Variants in FYB1 observed in about 807,000 individuals in gnomAD.
The protein encoded by FYB1 is FYN binding protein 1.
FYB1 carries 41 observed loss-of-function variants against 94.1 expected under a neutral mutation model. The observed-to-expected ratio is 0.44, with a 90% confidence interval of 0.34 to 0.57. The LOEUF is 0.57. Ranked by LOEUF, FYB1 falls within the 20% of genes least tolerant of loss-of-function variation. The pLI, the probability that FYB1 is intolerant of heterozygous loss-of-function variation, is 0.02. For synonymous variants in FYB1, 367 were observed against 353.2 expected (o/e 1.04, Z -0.44); for missense variants, 1,050 against 976.8 (o/e 1.07, Z -1.00).
chr5:39,165,214 C>T (rs1443587146), intron 2 of FYB1, among the ~76,000 whole-genome samples: 1 of 152,100 alleles, frequency 6.6e-6, no homozygotes, highest in African/African-American at 2.4e-5. Flanking sequence ...AAAGCTGGAG[C>T]CATCACATTA....
At chr5:39,150,178 C>G (rs182876989) in intron 3 of FYB1, among the ~76,000 whole-genome samples, 3 of 152,212 alleles carry the variant, frequency 2.0e-5, no homozygotes, top group Non-Finnish European at 4.4e-5. Flanking sequence ...CAAACTGAAA[C>G]TGAGTTGTTA....
At chr5:39,183,232 T>C (rs62358729) in intron 2 of FYB1, among the ~76,000 whole-genome samples, 40,877 of 151,942 alleles carry the variant, frequency 0.27, 6,156 homozygotes, top group African/African-American at 0.42. Context: ...GTGATCCACC[T>C]GTCTCGGCCT....
upstream of FYB1, among the ~76,000 whole-genome samples, chr5:39,222,748 C>A (rs575004074): frequency 6.6e-6 from 1 of 152,056 alleles, no homozygotes; most frequent in Non-Finnish European, 1.5e-5. Context: ...TTATTTTGAG[C>A]TTTTCTTATT....
At chr5:39,183,366 C>G (rs897773319) in intron 2 of FYB1, among the ~76,000 whole-genome samples, 17 of 152,062 alleles carry the variant, frequency 1.1e-4, no homozygotes, top group Non-Finnish European at 2.5e-4. Flanking sequence ...CAACTAAAAC[C>G]AAGCGTAATA....
At chr5:39,176,232 C>A (rs1745723045) in intron 2 of FYB1, among the ~76,000 whole-genome samples, 2 of 149,610 alleles carry the variant, frequency 1.3e-5, no homozygotes, top group African/African-American at 5.0e-5. Context: ...CTTACTGCAA[C>A]CCCCACCTCC....
At chr5:39,178,401 T>G (rs1268832536) in intron 2 of FYB1, among the ~76,000 whole-genome samples, 1 of 152,180 alleles carries the variant, frequency 6.6e-6, no homozygotes, top group East Asian at 1.9e-4. Context: ...TACAAGCACT[T>G]TAGTGGGATG....
intron 2 of FYB1, among the ~76,000 whole-genome samples, chr5:39,158,025 G>T (rs921738414): frequency 1.3e-5 from 2 of 151,792 alleles, no homozygotes; most frequent in African/African-American, 4.9e-5. Flanking sequence ...GGGAGCTTGA[G>T]TGACTAATGA....
intron 1 of FYB1, among the ~76,000 whole-genome samples, chr5:39,232,837 G>A (rs1205637536): frequency 2.6e-5 from 4 of 151,358 alleles, no homozygotes; most frequent in African/African-American, 4.9e-5. Flanking sequence ...TTGTTCTTGC[G>A]ATAGTTTACT....
At position 39,153,503 on chromosome 5, in the gene FYB1, G is replaced by A; in HGVS notation, c.1237C>T (p.Gln413Ter). Residue 413 changes from glutamine to a stop codon, truncating the protein, a stop_gained, in exon 3 of 19, where the codon CAA becomes TAA. Coordinates refer to ENST00000512982, the MANE Select transcript of FYB1 (RefSeq NM_001465.6). LOFTEE classifies it high-confidence loss of function. The part of the protein sequence containing the change: ...QPPLPASHPS[Q>*]PPVPSLPPRN... ...GGAGGTAGGCTTGGGACTGGTGGTTGTGATGGGTGAGATGCTGGCAATGGT... is the reference window on the plus strand; with the variant it reads ...GGAGGTAGGCTTGGGACTGGTGGTTATGATGGGTGAGATGCTGGCAATGGT... 1 of 1,614,014 alleles carries A rather than the reference G, an allele frequency of 6.2e-7. No individual in the cohort carries two copies. Among genetic ancestry groups the A allele is most frequent in the Non-Finnish European group, 8.5e-7 (1 of 1,179,888 alleles).
Position 39,126,080 on chromosome 5 carries a change from T to A in FYB1, c.1963A>T (p.Met655Leu). Residue 655 changes from methionine (M) to leucine (L), a missense_variant, in exon 12 of 19, where the codon ATG becomes TTG. By Grantham distance (15) the Met-to-Leu change is conservative. Coordinates refer to ENST00000512982, the MANE Select transcript of FYB1 (RefSeq NM_001465.6). ...SNTWSWGILK[M>L]LKGKDDRKKS... ...TTTCTGTCATCTTTTCCCTTTAACA[T>A]CTTCAAAATCCCCCAGGACCACGTA... 6.2e-7 allele frequency: 1 copy of A among 1,613,534 alleles called. No homozygotes were observed. The highest frequency in any genetic ancestry group is 1.3e-5 in the African/African-American group (1 of 75,010).
intron 1 of FYB1, chr5:39,212,940 C>G (rs1749546429): frequency 6.6e-6 from 1 of 150,850 alleles, no homozygotes. Context: ...GTGTGTGGCA[C>G]TTTTCCATGA....
intron 2 of FYB1, among the ~76,000 whole-genome samples, chr5:39,175,369 A>T (rs114265891): frequency 0.018 from 2,785 of 152,256 alleles, 83 homozygotes; most frequent in African/African-American, 0.063. Context: ...ATAAGCGGTG[A>T]ACATTGTTGG....
chr5:39,107,019 T>A lies in FYB1; in HGVS notation c.*424A>T, dbSNP rs1479301113. Reference sequence around the variant, plus strand: ...GTAGAAGTATAAACAATAATTTTTCTTCTTGTGGAATGTTTTTAAATTTCC... The same window carrying A: ...GTAGAAGTATAAACAATAATTTTTCATCTTGTGGAATGTTTTTAAATTTCC... On this transcript the variant is annotated 3_prime_UTR_variant, in exon 19 of 19. Coordinates refer to ENST00000512982, the MANE Select transcript of FYB1 (RefSeq NM_001465.6). 2 of 152,506 alleles carry A rather than the reference T, an allele frequency of 1.3e-5. No individual in the cohort carries two copies. The highest frequency in any genetic ancestry group is 2.4e-5 in the African/African-American group (1 of 41,462). 9.4% of individuals were successfully genotyped at this position (152,506 alleles called of 1,614,324 possible). A position where few individuals can be genotyped will look rare whatever the true frequency, so the allele number is the denominator to read the frequency against.
At chr5:39,210,420 C>G (rs1465100975) in intron 1 of FYB1, among the ~76,000 whole-genome samples, 1 of 152,254 alleles carries the variant, frequency 6.6e-6, no homozygotes, top group East Asian at 1.9e-4. Flanking sequence ...TGTGTTCTCT[C>G]TTCCAGAGTG....
chr5:39,192,825 G>A (rs1747482290), intron 2 of FYB1, among the ~76,000 whole-genome samples: 1 of 152,222 alleles, frequency 6.6e-6, no homozygotes, highest in African/African-American at 2.4e-5. Flanking sequence ...GTGCAGCAGG[G>A]AACCAGGACC....
chr5:39,251,971 C>T (rs1311392861), intron 1 of FYB1, among the ~76,000 whole-genome samples: 1 of 151,970 alleles, frequency 6.6e-6, no homozygotes, highest in African/African-American at 2.4e-5. Context: ...GGTGAAACCC[C>T]ATCTCTACTA....
chr5:39,171,485 T>G (rs1745245687), intron 2 of FYB1, among the ~76,000 whole-genome samples: 1 of 152,094 alleles, frequency 6.6e-6, no homozygotes, highest in East Asian at 1.9e-4. Flanking sequence ...CAATCTGTGT[T>G]TTAATAAGCT....
chr5:39,203,910 G>A (rs574882043), intron 1 of FYB1, among the ~76,000 whole-genome samples: 4 of 152,200 alleles, frequency 2.6e-5, no homozygotes, highest in East Asian at 1.9e-4. Flanking sequence ...AAAGTTAATG[G>A]TGTGTTTGCT....
intron 16 of FYB1, among the ~76,000 whole-genome samples, chr5:39,111,318 A>G (rs1739058863): frequency 6.6e-6 from 1 of 151,998 alleles, no homozygotes; most frequent in African/African-American, 2.4e-5. Context: ...AATTTCTCTC[A>G]GTGAGTCAAT....
Sources: gnomAD v4.1 joint callset for allele counts (sites outside exome capture counted in the v4.1 genomes callset) on GRCh38, gnomAD v4.1.1 for gene constraint, MANE v1.5 for transcripts, NCBI Gene and HGNC (gene_info 2026-07-23, HGNC 2026-07-21) for gene names.